The following BASP1 variants were observed in gnomAD, a reference collection of about 807,000 sequenced individuals.
The protein encoded by BASP1 is brain acid soluble protein 1.
Under a neutral mutation model 2.2 loss-of-function variants are expected in BASP1, and 1 was observed. That is an observed-to-expected ratio of 0.46 (90% CI 0.16 to 2.17). The LOEUF is 2.17. Among genes scored for constraint, BASP1 ranks in the 30% most tolerant of loss-of-function variants. BASP1 has a pLI of 0.27. For synonymous variants in BASP1, 187 were observed against 154.2 expected, an observed-to-expected ratio of 1.21 and a Z score of -1.58; for missense variants, 352 against 327.2, an observed-to-expected ratio of 1.08 and a Z score of -0.58.
intron 1 of BASP1, among the ~76,000 whole-genome samples, chr5:17,232,863 G>A (rs998475828): frequency 5.3e-4 from 80 of 151,976 alleles, no homozygotes; most frequent in African/African-American, 1.8e-3. Context: ...GACAGCCATC[G>A]GACTTAGTTT....
chr5:17,230,719 A>G lies in BASP1; in HGVS notation c.-10+12909A>G, dbSNP rs1190577877. On this transcript the variant is annotated intron_variant, in intron 1 of 1. Coordinates refer to ENST00000322611, the MANE Select transcript of BASP1 (RefSeq NM_006317.5). ...GGTGGGATTACAGGTGTGTGCCACC[A>G]TGCCTGGCTAATTTTTGTCTTTTGT... 3.9e-5 allele frequency among the ~76,000 whole-genome samples: 6 copies of G among 152,182 alleles called. No homozygotes were observed. The South Asian group carries it at 6.2e-4, about 16-fold the overall frequency.
chr5:17,240,651 A>G (rs1178116824), intron 1 of BASP1: 1 of 152,242 alleles, frequency 6.6e-6, no homozygotes, highest in Non-Finnish European at 1.5e-5. Flanking sequence ...TTGGAACCAT[A>G]TAGAGATGAA....
chr5:17,225,814 C>T (rs1283449630), intron 1 of BASP1, among the ~76,000 whole-genome samples: 6 of 152,112 alleles, frequency 3.9e-5, no homozygotes, highest in Admixed American at 1.3e-4. Flanking sequence ...CTGCATACAA[C>T]GGGATGTTTA....
intron 1 of BASP1, among the ~76,000 whole-genome samples, chr5:17,230,863 G>T (rs1196760268): frequency 6.6e-6 from 1 of 152,124 alleles, no homozygotes; most frequent in Non-Finnish European, 1.5e-5. Flanking sequence ...CGCCCAGCCC[G>T]AGAGGGTCTT....
chr5:17,225,110 T>C (rs1200566433), intron 1 of BASP1, among the ~76,000 whole-genome samples: 2 of 152,240 alleles, frequency 1.3e-5, no homozygotes, highest in African/African-American at 2.4e-5. Flanking sequence ...GAGCTGCTTA[T>C]GGGCTGCGTG....
rs998821030 is a variant in BASP1, at chr5:17,236,501, G to A, written c.-10+18691G>A. 6.6e-6 allele frequency among the ~76,000 whole-genome samples: 1 copy of A among 152,122 alleles called. No individual in the cohort carries two copies. The highest frequency in any genetic ancestry group is 1.5e-5 in the Non-Finnish European group (1 of 68,024). On this transcript the variant is annotated intron_variant, in intron 1 of 1. Transcript: ENST00000322611. The surrounding 1 kb of genome is among the most constrained non-coding windows in gnomAD (Gnocchi z 4.0). ...GCTGGTCTCAAACTCCTGACCTTAG[G>A]TGATCCGCCTGCCTCTGCCTCCCAA...
At chr5:17,273,169 CTAGT>C (rs952268062) in intron 1 of BASP1, among the ~76,000 whole-genome samples, 4 of 152,092 alleles carry the variant, frequency 2.6e-5, no homozygotes, top group African/African-American at 7.2e-5. Flanking sequence ...TGCATACTGA[CTAGT>C]TAAGAATTCA....
In BASP1 at chr5:17,234,397, A is replaced by G. The variant is rs139886054; in HGVS notation, c.-10+16587A>G. On this transcript the variant is annotated intron_variant, in intron 1 of 1. Coordinates refer to ENST00000322611, the MANE Select transcript of BASP1 (RefSeq NM_006317.5). ...AGCCGTAAGTAAAAAAAAAAATTAT[A>G]TAGTTAAAAGGTACAAATAATTGCT... Among the ~76,000 whole-genome samples the G allele has an allele frequency of 3.8e-4, 58 of 152,336 alleles. 1 individual carries two copies. The highest frequency in any genetic ancestry group is 3.3e-4 in the Admixed American group (5 of 15,298).
At chr5:17,229,786 T>G (rs999598817) in intron 1 of BASP1, among the ~76,000 whole-genome samples, 1 of 13,588 alleles carries the variant, frequency 7.4e-5, no homozygotes, top group African/African-American at 5.7e-4. Flanking sequence ...AGGATTGGGT[T>G]TTTTTTTTTT....
intron 1 of BASP1, among the ~76,000 whole-genome samples, chr5:17,247,543 A>C (rs901389818): frequency 3.3e-5 from 5 of 152,200 alleles, no homozygotes; most frequent in African/African-American, 1.2e-4. Flanking sequence ...GTATATTTTC[A>C]GGCTTTTAGA....
chr5:17,230,286 A>C (rs1421171356), intron 1 of BASP1, among the ~76,000 whole-genome samples: 1 of 152,204 alleles, frequency 6.6e-6, no homozygotes. Flanking sequence ...GGTTGAAGAC[A>C]GAAGGCAGGG....
chr5:17,260,724 C>T lies in BASP1; in HGVS notation c.-9-14484C>T, dbSNP rs542834772. 2.6e-5 allele frequency among the ~76,000 whole-genome samples: 4 copies of T among 152,142 alleles called. No homozygotes were observed. In the South Asian group the frequency reaches 6.2e-4, roughly 24 times the overall value. On this transcript the variant is annotated intron_variant, in intron 1 of 1. Transcript: ENST00000322611. The surrounding 1 kb of genome is among the most constrained non-coding windows in gnomAD (Gnocchi z 4.2). ...TGAGTCTGTGATGTTTATCTAGTAC[C>T]CATTGTGCACGAACAACCACAAAGC...
intron 1 of BASP1, among the ~76,000 whole-genome samples, chr5:17,233,544 A>G (rs549622576): frequency 6.6e-6 from 1 of 152,202 alleles, no homozygotes; most frequent in Non-Finnish European, 1.5e-5. Flanking sequence ...TTAATTTTTT[A>G]TCTTAATGTT....
At position 17,275,402 on chromosome 5, in the gene BASP1, C is replaced by T. The variant is rs978993068; in HGVS notation, c.186C>T (p.Ala62=). 13 of 1,576,106 alleles carry T rather than the reference C, an allele frequency of 8.2e-6. No individual in the cohort carries two copies. The highest frequency in any genetic ancestry group is 2.3e-5 in the East Asian group (1 of 43,062). ...KEGKEKPDQD[A]EGKAEEKEGE... ...GCAAGGAGAAGCCCGACCAGGACGC[C>T]GAGGGCAAGGCCGAGGAGAAGGAGG... Residue 62 remains alanine (A), a synonymous_variant, in exon 2 of 2, where the codon GCC becomes GCT. Transcript: ENST00000322611. The surrounding 1 kb of genome is among the most constrained non-coding windows in gnomAD (Gnocchi z 5.3).
intron 1 of BASP1, among the ~76,000 whole-genome samples, chr5:17,219,284 C>G (rs1039380587): frequency 6.6e-6 from 1 of 152,204 alleles, no homozygotes; most frequent in Non-Finnish European, 1.5e-5. Flanking sequence ...CACCCACTCC[C>G]CTCCCGAGCC....
intron 1 of BASP1, among the ~76,000 whole-genome samples, chr5:17,247,788 C>T (rs918319445): frequency 4.6e-5 from 7 of 152,118 alleles, no homozygotes; most frequent in South Asian, 2.1e-4. Context: ...ATTTTTGTTG[C>T]GTCTTTAACT....
At chr5:17,242,854 A>G (rs1353354004) in intron 1 of BASP1, among the ~76,000 whole-genome samples, 2 of 152,180 alleles carry the variant, frequency 1.3e-5, no homozygotes, top group Non-Finnish European at 2.9e-5. Flanking sequence ...AGTTTAAAAA[A>G]AAAAAAAGGT....
intron 1 of BASP1, among the ~76,000 whole-genome samples, chr5:17,256,999 A>G (rs1047618627): frequency 6.6e-6 from 1 of 152,250 alleles, no homozygotes; most frequent in African/African-American, 2.4e-5. Flanking sequence ...TTTCTACCTA[A>G]CCTAAAGCCA....
At chr5:17,267,595 T>C (rs1251971235) in intron 1 of BASP1, among the ~76,000 whole-genome samples, 1 of 151,744 alleles carries the variant, frequency 6.6e-6, no homozygotes, top group East Asian at 1.9e-4. Flanking sequence ...CTCATCCCGC[T>C]GCAACCTCCG....
Sources: allele counts gnomAD v4.1 joint callset (sites outside exome capture counted in the v4.1 genomes callset), GRCh38; gene constraint gnomAD v4.1.1; non-coding constraint Gnocchi (gnomAD v3.1); transcripts MANE v1.5; gene names NCBI Gene and HGNC (gene_info 2026-07-23, HGNC 2026-07-21).